CXCL10: variants seen among roughly 807,000 people sequenced by gnomAD.
The protein encoded by CXCL10 is C-X-C motif chemokine 10.
In CXCL10, 6 loss-of-function variants were observed where a neutral mutation model predicts 10.8. The ratio of observed to expected loss-of-function variants is 0.55; its 90% confidence interval spans 0.30 to 1.09. The LOEUF (loss-of-function observed/expected upper bound fraction) is 1.09, where lower values mean the gene tolerates loss of function less well. Ranked by LOEUF, CXCL10 falls within the 50% of genes least tolerant of loss-of-function variation. CXCL10 has a pLI of 0.06. For missense variants in CXCL10, 114 were observed against 114.3 expected (o/e 1.00, Z 0.01); for synonymous variants, 35 against 35.8 (o/e 0.98, Z 0.08).
In CXCL10 at chr4:76,023,380, C is replaced by T. The variant is rs1197109194; in HGVS notation, c.52G>A (p.Gly18Ser). The T allele has an allele frequency of 1.2e-6, 2 of 1,612,940 alleles. No homozygotes were observed. Among genetic ancestry groups the T allele is most frequent in the African/African-American group, 1.3e-5 (1 of 74,882 alleles). ...CTTTGATGTTCCTTACCTTGAATGC[C>T]ACTTAGAGTCAGAAAGATAAGGCAG... is the stretch of plus-strand genomic sequence containing the variant. ...ICCLIFLTLSGIQGVPLSRTV... is the reference protein window; with the variant it reads ...ICCLIFLTLSSIQGVPLSRTV... Residue 18 changes from glycine to serine, a missense_variant, in exon 1 of 4, where the codon GGC (glycine) becomes AGC (serine). Coordinates refer to ENST00000306602, the MANE Select transcript of CXCL10 (RefSeq NM_001565.4).
chr4:76,022,619 A>G lies in CXCL10; in HGVS notation c.188+72T>C, dbSNP rs868009061. On this transcript the variant is annotated intron_variant, in intron 2 of 3. Coordinates refer to ENST00000306602, the MANE Select transcript of CXCL10 (RefSeq NM_001565.4). ...ACAAACCCTTTACTGATCTTTTTTT[A>G]TTATCATTACATATTTAATACAGTA... 1.7e-5 allele frequency: 25 copies of G among 1,471,342 alleles called. No homozygotes were observed. In the South Asian group the frequency reaches 3.0e-4, roughly 18 times the overall value. 91.1% of individuals were successfully genotyped at this position (1,471,342 alleles called of 1,614,324 possible).
chr4:76,023,289 AT>A (rs1733054005), intron 1 of CXCL10, 81 bp downstream of exon 1: 3 of 1,103,826 alleles, frequency 2.7e-6, no homozygotes, highest in Non-Finnish European at 2.7e-6. Context: ...ACTTTTACAA[AT>A]ACATTATTTC....
In CXCL10 at chr4:76,022,357, C is replaced by A. The variant is rs1227332486; in HGVS notation, c.278+9G>T. 1 of 1,611,900 alleles carries A rather than the reference C, an allele frequency of 6.2e-7. No individual in the cohort carries two copies. Among genetic ancestry groups the A allele is most frequent in the South Asian group, 1.1e-5 (1 of 91,044 alleles). On this transcript the variant is annotated intron_variant, in intron 3 of 3. Coordinates refer to ENST00000306602, the MANE Select transcript of CXCL10 (RefSeq NM_001565.4). Reference sequence around the variant, plus strand: ...AGAGCAATTCTTCTGCAGGCAACAGCAAACCTACCTTTCCTTGCTAACTGC... The same window carrying A: ...AGAGCAATTCTTCTGCAGGCAACAGAAAACCTACCTTTCCTTGCTAACTGC...
Position 76,021,860 on chromosome 4 carries a change from G to A in CXCL10, c.*70C>T. 1 of 1,416,576 alleles carries A rather than the reference G, an allele frequency of 7.1e-7. No homozygotes were observed. Among genetic ancestry groups the A allele is most frequent in the Non-Finnish European group, 1.0e-6 (1 of 1,000,944 alleles). 87.8% of individuals were successfully genotyped at this position (1,416,576 alleles called of 1,614,324 possible). A position where few individuals can be genotyped will look rare whatever the true frequency, so the allele number is the denominator to read the frequency against. On this transcript the variant is annotated 3_prime_UTR_variant, in exon 4 of 4. Transcript: ENST00000306602. The stretch of plus-strand genomic sequence containing the variant: ...CTTGACATATACTCCATGTAGGGAA[G>A]TGATGGGAGAGGCAGCCTCTGTGTG...
chr4:76,022,041 A>G lies in CXCL10; in HGVS notation c.279-93T>C, dbSNP rs41401145. On this transcript the variant is annotated intron_variant, in intron 3 of 3. Transcript: ENST00000306602. Reference sequence around the variant, plus strand: ...GGAAAGTACCGAGTTCATAGAATAGATAACTGAGCTTTCCTGCTGCTATGC... The same window carrying G: ...GGAAAGTACCGAGTTCATAGAATAGGTAACTGAGCTTTCCTGCTGCTATGC... 1.7e-4 allele frequency: 205 copies of G among 1,194,556 alleles called. 1 individual carries two copies. In the East Asian group the frequency reaches 3.9e-3, roughly 23 times the overall value. 74.0% of individuals were successfully genotyped at this position (1,194,556 alleles called of 1,614,324 possible).
chr4:76,022,335 G>T, intron 3 of CXCL10, 31 bp downstream of exon 3: 1 of 1,559,506 alleles, frequency 6.4e-7, no homozygotes, highest in Non-Finnish European at 8.8e-7. Flanking sequence ...TTCCTAAAGA[G>T]CAATTCTTCT....
chr4:76,023,265 A>G, intron 1 of CXCL10, 106 bp downstream of exon 1: 1 of 825,866 alleles, frequency 1.2e-6, no homozygotes. Context: ...TCTTATTTAT[A>G]AGCATGCAGT....
chr4:76,023,289 A>G, intron 1 of CXCL10, 82 bp downstream of exon 1: 2 of 1,103,826 alleles, frequency 1.8e-6, no homozygotes, highest in South Asian at 1.3e-5. Context: ...ACTTTTACAA[A>G]TACATTATTT....
At position 76,023,402 on chromosome 4, in the gene CXCL10, G is replaced by A. The variant is rs887638042; in HGVS notation, c.30C>T (p.Cys10=). The A allele has an allele frequency of 2.5e-5, 41 of 1,613,860 alleles. No individual in the cohort carries two copies. Among genetic ancestry groups the A allele is most frequent in the Non-Finnish European group, 3.5e-5 (41 of 1,179,792 alleles). MNQTAILIC[C]LIFLTLSGIQ... ...TGCCACTTAGAGTCAGAAAGATAAG[G>A]CAGCAAATCAGAATGGCAGTTTGAT... The change falls in exon 1 of 4, where the codon TGC becomes TGT. Residue 10 remains cysteine, a synonymous_variant. Transcript: ENST00000306602.
chr4:76,023,104 G>T (rs748956231), intron 1 of CXCL10, among the ~76,000 whole-genome samples: 17 of 151,992 alleles, frequency 1.1e-4, no homozygotes, highest in Non-Finnish European at 2.1e-4. Flanking sequence ...ATCTCTGTCC[G>T]CATTCCCTCA....
Position 76,022,357 on chromosome 4 carries a change from C to G in CXCL10, c.278+9G>C, listed in dbSNP as rs1227332486. Reference sequence around the variant, plus strand: ...AGAGCAATTCTTCTGCAGGCAACAGCAAACCTACCTTTCCTTGCTAACTGC... The same window carrying G: ...AGAGCAATTCTTCTGCAGGCAACAGGAAACCTACCTTTCCTTGCTAACTGC... On this transcript the variant is annotated intron_variant, in intron 3 of 3. Coordinates refer to ENST00000306602, the MANE Select transcript of CXCL10 (RefSeq NM_001565.4). 1 of 1,611,782 alleles carries G rather than the reference C, an allele frequency of 6.2e-7. No homozygotes were observed. Among genetic ancestry groups the G allele is most frequent in the Non-Finnish European group, 8.5e-7 (1 of 1,178,748 alleles).
At chr4:76,022,023 A>T in intron 3 of CXCL10, 75 bp from the exon 4 acceptor site, 1 of 1,328,022 alleles carries the variant, frequency 7.5e-7, no homozygotes, top group Non-Finnish European at 1.1e-6. Flanking sequence ...TTTGGAAAGT[A>T]CCGAGTTCAT....
chr4:76,022,045 C>T lies in CXCL10; in HGVS notation c.279-97G>A, dbSNP rs1052852977. 2.7e-6 allele frequency: 3 copies of T among 1,129,382 alleles called. No homozygotes were observed. The African/African-American group carries it at 4.7e-5, about 18-fold the overall frequency. 70.0% of individuals were successfully genotyped at this position (1,129,382 alleles called of 1,614,324 possible). A position where few individuals can be genotyped will look rare whatever the true frequency, so the allele number is the denominator to read the frequency against. The stretch of plus-strand genomic sequence containing the variant: ...AGTACCGAGTTCATAGAATAGATAA[C>T]TGAGCTTTCCTGCTGCTATGCATTC... On this transcript the variant is annotated intron_variant, in intron 3 of 3. Transcript: ENST00000306602.
In CXCL10 at chr4:76,022,390, A is replaced by G. The variant is rs1732929586; in HGVS notation, c.254T>C (p.Leu85Ser). ...CCTTTCCTTGCTAACTGCTTTCAGT[A>G]AATTCTTGATGGCCTTCGATTCTGG... is the stretch of plus-strand genomic sequence containing the variant. ...LNPESKAIKN[L>S]LKAVSKERSK... Residue 85 changes from leucine (L) to serine (S), a missense_variant, in exon 3 of 4, where the codon TTA becomes TCA. By Grantham distance (145) the Leu-to-Ser change is moderately radical. Coordinates refer to ENST00000306602, the MANE Select transcript of CXCL10 (RefSeq NM_001565.4). 2.5e-6 allele frequency: 4 copies of G among 1,613,724 alleles called. No individual in the cohort carries two copies. Among genetic ancestry groups the G allele is most frequent in the Non-Finnish European group, 3.4e-6 (4 of 1,179,928 alleles).
At position 76,021,674 on chromosome 4, in the gene CXCL10, C is replaced by T. The variant is rs2149371696; in HGVS notation, c.*256G>A. 8.6e-6 allele frequency: 4 copies of T among 466,840 alleles called. No homozygotes were observed. In the East Asian group the frequency reaches 1.3e-4, roughly 15 times the overall value. The allele number at this position is 466,840 out of a possible 1,614,324, so 28.9% of individuals were successfully genotyped here. On this transcript the variant is annotated 3_prime_UTR_variant, in exon 4 of 4. Coordinates refer to ENST00000306602, the MANE Select transcript of CXCL10 (RefSeq NM_001565.4). ...GCAGGGTCAGAACATCCACTAAGAA[C>T]ATAGCACCTCAGTAGAGCTTACATT...
rs1732795138 is a variant in CXCL10 at position 76,021,380 on chromosome 4, T to G, written c.*550A>C. The G allele has an allele frequency of 6.5e-6, 1 of 153,208 alleles. No individual in the cohort carries two copies. Among genetic ancestry groups the G allele is most frequent in the African/African-American group, 2.4e-5 (1 of 41,470 alleles). The allele number at this position is 153,208 out of a possible 1,614,324, so 9.5% of individuals were successfully genotyped here. A position where few individuals can be genotyped will look rare whatever the true frequency, so the allele number is the denominator to read the frequency against. ...CTAAGACTTCTACTTTGTACAGTCT[T>G]TCATTAAATAAGAATACTTACACAT... On this transcript the variant is annotated 3_prime_UTR_variant, in exon 4 of 4. Coordinates refer to ENST00000306602, the MANE Select transcript of CXCL10 (RefSeq NM_001565.4).
In CXCL10 at chr4:76,021,417, T is replaced by C. The variant is rs1732798398; in HGVS notation, c.*513A>G. 6.5e-6 allele frequency: 1 copy of C among 153,716 alleles called. No individual in the cohort carries two copies. Among genetic ancestry groups the C allele is most frequent in the Non-Finnish European group, 1.4e-5 (1 of 69,154 alleles). 9.5% of individuals were successfully genotyped at this position (153,716 alleles called of 1,614,324 possible). ...GAATACTTACACATACATTTTCAGA[T>C]ATTTCTACCTTCCTGTATGTGTTTG... On this transcript the variant is annotated 3_prime_UTR_variant, in exon 4 of 4. Transcript: ENST00000306602.
rs200829450 is a variant in CXCL10 at position 76,022,706 on chromosome 4, G to T, written c.173C>A (p.Pro58Gln). The change falls in exon 2 of 4, where the codon CCA (proline) becomes CAA (glutamine). Residue 58 changes from proline (P) to glutamine (Q), a missense_variant. Transcript: ENST00000306602. ...LEIIPASQFC[P>Q]RVEIIATMKK... The stretch of plus-strand genomic sequence containing the variant: ...TTTCACTCACATGATCTCAACACGT[G>T]GACAAAATTGGCTTGCAGGAATAAT... 6.2e-7 allele frequency: 1 copy of T among 1,613,628 alleles called. No individual in the cohort carries two copies. The highest frequency in any genetic ancestry group is 8.5e-7 in the Non-Finnish European group (1 of 1,179,842).
chr4:76,023,384 T>C lies in CXCL10; in HGVS notation c.48A>G (p.Leu16=), dbSNP rs779028513. ...ILICCLIFLT[L]SGIQGVPLSR... Reference sequence around the variant, plus strand: ...GATGTTCCTTACCTTGAATGCCACTTAGAGTCAGAAAGATAAGGCAGCAAA... The same window carrying C: ...GATGTTCCTTACCTTGAATGCCACTCAGAGTCAGAAAGATAAGGCAGCAAA... The change falls in exon 1 of 4, where the codon CTA becomes CTG. Residue 16 remains leucine (L), a synonymous_variant. Transcript: ENST00000306602. 1.1e-5 allele frequency: 17 copies of C among 1,613,472 alleles called. No individual in the cohort carries two copies. Among genetic ancestry groups the C allele is most frequent in the Admixed American group, 1.7e-5 (1 of 59,996 alleles).
Sources: gnomAD v4.1 joint callset for allele counts (sites outside exome capture counted in the v4.1 genomes callset) on GRCh38, gnomAD v4.1.1 for gene constraint, MANE v1.5 for transcripts, NCBI Gene and HGNC (gene_info 2026-07-23, HGNC 2026-07-21) for gene names.